ARSB: variants seen among roughly 807,000 people sequenced by gnomAD.
ARSB encodes arylsulfatase B.
Under a neutral mutation model 50.9 loss-of-function variants are expected in ARSB, and 41 were observed. The observed-to-expected ratio is 0.81, with a 90% CI of 0.63 to 1.04. The LOEUF is 1.04. ARSB is among the 50% of genes least tolerant of loss of function. The pLI is 0.00. For synonymous variants in ARSB, 269 were observed against 284.8 expected (o/e 0.94, Z 0.56); for missense variants, 672 against 693.3 (o/e 0.97, Z 0.35).
intron 6 of ARSB, among the ~76,000 whole-genome samples, chr5:78,805,286 A>G (rs1007126756): frequency 6.6e-6 from 1 of 152,226 alleles, no homozygotes; most frequent in Non-Finnish European, 1.5e-5. Flanking sequence ...AGAATCTGCC[A>G]TATTAGGGAC....
intron 4 of ARSB, among the ~76,000 whole-genome samples, chr5:78,905,158 T>C (rs1748994182): frequency 6.6e-6 from 1 of 152,228 alleles, no homozygotes; most frequent in African/African-American, 2.4e-5. Context: ...TTAGTTTCTA[T>C]TTCACTGCTA....
chr5:78,941,833 A>T (rs981555125), intron 4 of ARSB, among the ~76,000 whole-genome samples: 14 of 152,206 alleles, frequency 9.2e-5, no homozygotes, highest in African/African-American at 3.1e-4. Flanking sequence ...TTTTCTATTG[A>T]TTGGAATAGT....
chr5:78,789,116 T>G (rs1048647805), intron 6 of ARSB, among the ~76,000 whole-genome samples: 5 of 152,252 alleles, frequency 3.3e-5, no homozygotes, highest in Middle Eastern at 3.2e-3. Context: ...CCTTGGAAAG[T>G]ATTGTATAAT....
At chr5:78,895,879 AG>A (rs1748538431) in intron 4 of ARSB, among the ~76,000 whole-genome samples, 1 of 152,226 alleles carries the variant, frequency 6.6e-6, no homozygotes, top group Admixed American at 6.5e-5. Flanking sequence ...ACGAAGCTAA[AG>A]GACATGGCTG....
At chr5:78,914,935 T>A (rs1165845990) in intron 4 of ARSB, among the ~76,000 whole-genome samples, 1 of 152,192 alleles carries the variant, frequency 6.6e-6, no homozygotes, top group Admixed American at 6.5e-5. Flanking sequence ...TGCTGGGATT[T>A]ATAGGTGGTA....
At chr5:78,825,157 T>C (rs1044033826) in intron 6 of ARSB, among the ~76,000 whole-genome samples, 3 of 152,194 alleles carry the variant, frequency 2.0e-5, no homozygotes, top group African/African-American at 7.2e-5. Flanking sequence ...AGCAAGCAGA[T>C]ACTGCACAAT....
intron 6 of ARSB, among the ~76,000 whole-genome samples, chr5:78,824,595 A>G (rs1744360329): frequency 6.6e-6 from 1 of 152,196 alleles, no homozygotes; most frequent in South Asian, 2.1e-4. Flanking sequence ...TGGAATGCCA[A>G]TGTTTTCACC....
intron 5 of ARSB, among the ~76,000 whole-genome samples, chr5:78,864,982 C>T (rs1746639753): frequency 6.6e-6 from 1 of 152,214 alleles, no homozygotes. Context: ...AGGGTACAAC[C>T]TCCCTCCTGG....
intron 4 of ARSB, among the ~76,000 whole-genome samples, chr5:78,897,662 T>C (rs185159196): frequency 8.1e-4 from 123 of 152,288 alleles, no homozygotes; most frequent in African/African-American, 2.6e-3. Context: ...GGCATAAATG[T>C]ATGGGAAATC....
intron 4 of ARSB, among the ~76,000 whole-genome samples, chr5:78,953,427 G>T (rs897004169): frequency 5.9e-5 from 9 of 152,202 alleles, no homozygotes; most frequent in African/African-American, 2.2e-4. Context: ...AGTTCCCAGA[G>T]AATCCATTAT....
intron 4 of ARSB, among the ~76,000 whole-genome samples, chr5:78,921,158 G>A (rs544214255): frequency 5.3e-5 from 8 of 152,108 alleles, no homozygotes; most frequent in Admixed American, 1.3e-4. Context: ...CAATCCCAGA[G>A]TTGTATCCTA....
chr5:78,821,311 T>C (rs1415883488), intron 6 of ARSB, among the ~76,000 whole-genome samples: 2 of 152,128 alleles, frequency 1.3e-5, no homozygotes, highest in Admixed American at 1.3e-4. Context: ...AATTTTTTTG[T>C]AATTTTAGTA....
At chr5:78,815,924 T>C in intron 6 of ARSB, 1 of 1,513,980 alleles carries the variant, frequency 6.6e-7, no homozygotes, top group Non-Finnish European at 8.8e-7. Flanking sequence ...CCCTTCTTTC[T>C]TGGAGAAGGC....
At chr5:78,795,557 C>T (rs1459474222) in intron 6 of ARSB, among the ~76,000 whole-genome samples, 1 of 152,184 alleles carries the variant, frequency 6.6e-6, no homozygotes, top group Non-Finnish European at 1.5e-5. Flanking sequence ...TAAATACTTC[C>T]CTCATTTCTG....
chr5:78,804,213 G>GAA (rs113086677), intron 6 of ARSB, among the ~76,000 whole-genome samples: 1 of 124,242 alleles, frequency 8.0e-6, no homozygotes. Context: ...AATGTGGAAT[G>GAA]AAAAAAAAAA....
At chr5:78,795,618 T>G (rs1743150014) in intron 6 of ARSB, among the ~76,000 whole-genome samples, 1 of 152,202 alleles carries the variant, frequency 6.6e-6, no homozygotes, top group Non-Finnish European at 1.5e-5. Context: ...ACTACTTACT[T>G]AGAATCCTGT....
At chr5:78,815,955 T>C in intron 6 of ARSB, 1 of 1,544,746 alleles carries the variant, frequency 6.5e-7, no homozygotes, top group Non-Finnish European at 8.7e-7. Context: ...TGATGCCAGG[T>C]TCCTAGTTCC....
At position 78,913,963 on chromosome 5, in the gene ARSB, A is replaced by ATTT. The variant is rs200423948; in HGVS notation, c.899-28139_899-28137dup. On this transcript the variant is annotated intron_variant, in intron 4 of 7. Transcript: ENST00000264914. ...CCTCTTTATACCTTTCAATACCATG[A>ATTT]TTTTTTTTTTTTTTTTTTAGACAAG... Among the ~76,000 whole-genome samples the ATTT allele has an allele frequency of 5.3e-3, 727 of 138,198 alleles. 7 individuals are homozygous for ATTT. Among genetic ancestry groups the ATTT allele is most frequent in the Non-Finnish European group, 9.2e-3 (587 of 63,642 alleles). 90.7% of individuals were successfully genotyped at this position (138,198 alleles called of 152,430 possible).
chr5:78,908,986 A>G (rs1201754443), intron 4 of ARSB, among the ~76,000 whole-genome samples: 2 of 152,198 alleles, frequency 1.3e-5, no homozygotes. Flanking sequence ...TGCTTTATAT[A>G]TTAAACAAAG....
Sources: allele counts gnomAD v4.1 joint callset (sites outside exome capture counted in the v4.1 genomes callset), GRCh38; gene constraint gnomAD v4.1.1; transcripts MANE v1.5; gene names NCBI Gene and HGNC (gene_info 2026-07-23, HGNC 2026-07-21).